Variants in USP32 observed in about 807,000 individuals in gnomAD.
USP32 encodes ubiquitin carboxyl-terminal hydrolase 32.
Under a neutral mutation model 204.8 loss-of-function variants are expected in USP32, and 59 were observed. The ratio of observed to expected loss-of-function variants is 0.29; its 90% CI spans 0.23 to 0.36. USP32 has a LOEUF of 0.36. Ranked by LOEUF, USP32 falls within the 10% of genes least tolerant of loss-of-function variation. The pLI, the probability that USP32 is intolerant of heterozygous loss-of-function variation, is 1.00. For missense variants in USP32, 1,160 were observed against 1,946.4 expected (o/e 0.60, Z 7.60); for synonymous variants, 517 against 678.4 (o/e 0.76, Z 3.70).
At chr17:60,377,228 G>A (rs559965667) in intron 1 of USP32, among the ~76,000 whole-genome samples, 3 of 152,280 alleles carry the variant, frequency 2.0e-5, no homozygotes, top group Admixed American at 2.0e-4. Context: ...GGGAGGCCAA[G>A]GCAGGAGGAT....
At chr17:60,362,185 C>T (rs778538731) in intron 1 of USP32, among the ~76,000 whole-genome samples, 36 of 152,122 alleles carry the variant, frequency 2.4e-4, no homozygotes, top group Admixed American at 2.0e-3. Flanking sequence ...AGCTTGAATA[C>T]ATCACATTAA....
intron 2 of USP32, among the ~76,000 whole-genome samples, chr17:60,329,871 T>C (rs1172787829): frequency 6.6e-6 from 1 of 152,190 alleles, no homozygotes; most frequent in Non-Finnish European, 1.5e-5. Context: ...CCTCTGAACA[T>C]ACCTTGTCTA....
intron 1 of USP32, among the ~76,000 whole-genome samples, chr17:60,406,342 C>T (rs910970050): frequency 6.6e-5 from 10 of 151,830 alleles, no homozygotes; most frequent in Non-Finnish European, 1.5e-5. Flanking sequence ...CCATGCCCAG[C>T]TAATTGTTGT....
rs2087580176 is a variant in USP32, at chr17:60,301,655, T to C, written c.236A>G (p.Asn79Ser). 3 of 1,599,064 alleles carry C rather than the reference T, an allele frequency of 1.9e-6. No homozygotes were observed. The highest frequency in any genetic ancestry group is 2.5e-6 in the Non-Finnish European group (3 of 1,176,534). ...GGTSKGLHFN[N>S]LIVGLVLLTR... ...AAGGAGGACAAGTCCAACTATTAAATTATTGAAGTGCAGCCCTTTGGATGT... is the reference window on the plus strand; with the variant it reads ...AAGGAGGACAAGTCCAACTATTAAACTATTGAAGTGCAGCCCTTTGGATGT... Residue 79 changes from asparagine (N) to serine (S), a missense_variant, in exon 3 of 34, where the codon AAT becomes AGT. Coordinates refer to ENST00000300896, the MANE Select transcript of USP32 (RefSeq NM_032582.4).
chr17:60,179,523 A>T, intron 33 of USP32, 95 bp from the exon 34 acceptor site: 1 of 1,490,370 alleles, frequency 6.7e-7, no homozygotes. Flanking sequence ...TGTAATTACT[A>T]AACCTGATTG....
At chr17:60,197,769 A>G (rs1223662304) in intron 27 of USP32, among the ~76,000 whole-genome samples, 2 of 152,262 alleles carry the variant, frequency 1.3e-5, no homozygotes, top group African/African-American at 2.4e-5. Flanking sequence ...AATTATTTTT[A>G]TCTAGATTTA....
chr17:60,192,175 C>A (rs547453059), intron 28 of USP32, among the ~76,000 whole-genome samples: 1 of 151,974 alleles, frequency 6.6e-6, no homozygotes, highest in South Asian at 2.1e-4. Context: ...CCTGTAGTCC[C>A]GGCTACTCGG....
intron 1 of USP32, among the ~76,000 whole-genome samples, chr17:60,383,178 A>G (rs1210267508): frequency 6.7e-6 from 1 of 149,894 alleles, no homozygotes; most frequent in Non-Finnish European, 1.5e-5. Flanking sequence ...CCCAGGAGGT[A>G]GAGGTTGCAG....
rs549821102 is a variant in USP32 at position 60,192,287 on chromosome 17, T to C, written c.3521+557A>G. On this transcript the variant is annotated intron_variant, in intron 28 of 33. Transcript: ENST00000300896. Reference sequence around the variant, plus strand: ...GCCTGGGTGACAGAGCGAGACTCCATCTCAAAACAAAACAAAACAACACAA... The same window carrying C: ...GCCTGGGTGACAGAGCGAGACTCCACCTCAAAACAAAACAAAACAACACAA... Among the ~76,000 whole-genome samples, 14 of 152,112 alleles carry C rather than the reference T, an allele frequency of 9.2e-5. No individual in the cohort carries two copies. In the South Asian group the frequency reaches 2.9e-3, roughly 32 times the overall value.
At chr17:60,341,495 C>T (rs909459045) in intron 2 of USP32, among the ~76,000 whole-genome samples, 2 of 152,008 alleles carry the variant, frequency 1.3e-5, no homozygotes, top group African/African-American at 2.4e-5. Flanking sequence ...GAATATTGGC[C>T]CCCACTCTCT....
chr17:60,179,860 C>T (rs758141190), intron 33 of USP32, among the ~76,000 whole-genome samples: 11 of 151,672 alleles, frequency 7.3e-5, no homozygotes, highest in Non-Finnish European at 1.2e-4. Context: ...TTAGTAAAGG[C>T]GGGGTTTCAC....
At chr17:60,241,846 T>C (rs1255412889) in intron 11 of USP32, among the ~76,000 whole-genome samples, 1 of 152,208 alleles carries the variant, frequency 6.6e-6, no homozygotes, top group Admixed American at 6.5e-5. Context: ...TAATGCTCTC[T>C]CTTGAAACTC....
At chr17:60,179,583 T>C (rs952338388) in intron 33 of USP32, among the ~76,000 whole-genome samples, 155 bp from the exon 34 acceptor site, 1 of 152,224 alleles carries the variant, frequency 6.6e-6, no homozygotes, top group African/African-American at 2.4e-5. Context: ...CCCTTTAAGA[T>C]GAGCCCCATT....
chr17:60,241,091 G>A (rs946389103), intron 11 of USP32, among the ~76,000 whole-genome samples: 2 of 152,100 alleles, frequency 1.3e-5, no homozygotes, highest in African/African-American at 4.8e-5. Flanking sequence ...TCTGCCTCTC[G>A]GGTTCAAGCG....
chr17:60,373,353 C>T (rs893648285), intron 1 of USP32, among the ~76,000 whole-genome samples: 3 of 151,938 alleles, frequency 2.0e-5, no homozygotes, highest in Admixed American at 6.6e-5. Context: ...CCATGGAGTA[C>T]TGCAGTAGAT....
intron 2 of USP32, among the ~76,000 whole-genome samples, chr17:60,320,626 T>C (rs2088089687): frequency 6.6e-6 from 1 of 152,184 alleles, no homozygotes. Context: ...TGGCCAGAAA[T>C]TGATGTTTTT....
At chr17:60,197,595 A>G (rs2084555897) in intron 27 of USP32, among the ~76,000 whole-genome samples, 1 of 152,166 alleles carries the variant, frequency 6.6e-6, no homozygotes, top group Non-Finnish European at 1.5e-5. Flanking sequence ...CAAGAGCAAA[A>G]CTCTGCTGTA....
chr17:60,341,449 T>C (rs919408191), intron 2 of USP32, among the ~76,000 whole-genome samples: 1 of 152,006 alleles, frequency 6.6e-6, no homozygotes, highest in Non-Finnish European at 1.5e-5. Flanking sequence ...TTTGGCTGGA[T>C]ATGAAATTCC....
intron 5 of USP32, among the ~76,000 whole-genome samples, chr17:60,276,576 T>C (rs2086844790): frequency 6.6e-6 from 1 of 152,206 alleles, no homozygotes; most frequent in Non-Finnish European, 1.5e-5. Context: ...GAAACTGTTC[T>C]TATTTCTATA....
Sources: gnomAD v4.1 joint callset for allele counts (sites outside exome capture counted in the v4.1 genomes callset) on GRCh38, gnomAD v4.1.1 for gene constraint, MANE v1.5 for transcripts, NCBI Gene and HGNC (gene_info 2026-07-23, HGNC 2026-07-21) for gene names.